Variants in SLCO1B3 observed in about 807,000 individuals in gnomAD.
The protein encoded by SLCO1B3 is liver-specific organic anion transporter 2.
SLCO1B3 carries 72 observed loss-of-function variants against 71.8 expected under a neutral mutation model. The ratio of observed to expected loss-of-function variants is 1.00; its 90% CI spans 0.83 to 1.22. The LOEUF is 1.22. SLCO1B3 is among the 50% of genes most tolerant of loss of function. SLCO1B3 has a pLI of 0.00. For synonymous variants in SLCO1B3, 298 were observed against 278.4 expected, an observed-to-expected ratio of 1.07 and a Z score of -0.70; for missense variants, 911 against 819.7, an observed-to-expected ratio of 1.11 and a Z score of -1.36.
chr12:20,837,067 G>T (rs994266527), intron 3 of SLCO1B3, among the ~76,000 whole-genome samples: 1 of 152,068 alleles, frequency 6.6e-6, no homozygotes, highest in African/African-American at 2.4e-5. Context: ...GAAATTGGTC[G>T]ATTTAATTTA....
chr12:20,847,982 A>ATAC (rs1359818734), intron 3 of SLCO1B3, among the ~76,000 whole-genome samples: 1 of 152,088 alleles, frequency 6.6e-6, no homozygotes. Context: ...AATAATAATA[A>ATAC]TACAGAATCT....
At chr12:20,811,458 C>T (rs1864109366) in intron 1 of SLCO1B3, among the ~76,000 whole-genome samples, 2 of 152,196 alleles carry the variant, frequency 1.3e-5, no homozygotes, top group Admixed American at 1.3e-4. Flanking sequence ...GAAATTCTCT[C>T]CTCTGAACAA....
intron 3 of SLCO1B3, among the ~76,000 whole-genome samples, chr12:20,849,157 A>G (rs1057122939): frequency 6.6e-6 from 1 of 151,980 alleles, no homozygotes; most frequent in Non-Finnish European, 1.5e-5. Context: ...TAAGTATATT[A>G]AAAAATTTTT....
intron 13 of SLCO1B3, among the ~76,000 whole-genome samples, chr12:20,886,418 A>G (rs1232235681): frequency 6.6e-6 from 1 of 152,048 alleles, no homozygotes; most frequent in South Asian, 2.1e-4. Context: ...ACTACATCCT[A>G]GGAACAACAG....
intron 3 of SLCO1B3, among the ~76,000 whole-genome samples, chr12:20,848,722 G>C (rs923894680): frequency 1.3e-5 from 2 of 151,972 alleles, no homozygotes; most frequent in Non-Finnish European, 2.9e-5. Context: ...TGTAAGCAAA[G>C]AAGCAAATCT....
intron 13 of SLCO1B3, among the ~76,000 whole-genome samples, chr12:20,885,675 G>A (rs74528913): frequency 0.019 from 2,836 of 152,000 alleles, 34 homozygotes; most frequent in Middle Eastern, 0.038. Flanking sequence ...AGCTAGGCAA[G>A]GTAGAGCAAA....
chr12:20,844,233 A>ATACCT (rs1565586077), intron 3 of SLCO1B3, among the ~76,000 whole-genome samples: 1 of 152,020 alleles, frequency 6.6e-6, no homozygotes, highest in Non-Finnish European at 1.5e-5. Flanking sequence ...TTATATAAAG[A>ATACCT]TACCTTACAT....
At chr12:20,825,282 A>G (rs1462356674) in intron 3 of SLCO1B3, among the ~76,000 whole-genome samples, 3 of 152,142 alleles carry the variant, frequency 2.0e-5, no homozygotes, top group African/African-American at 7.2e-5. Flanking sequence ...TTATCTCTCA[A>G]AATTGGCCCT....
chr12:20,888,068 C>A (rs1865826311), intron 13 of SLCO1B3, among the ~76,000 whole-genome samples: 1 of 152,026 alleles, frequency 6.6e-6, no homozygotes, highest in Admixed American at 6.6e-5. Context: ...CTTCTCCATT[C>A]TGTTCCATTG....
intron 8 of SLCO1B3, 107 bp from the exon 9 acceptor site, chr12:20,875,128 G>A: frequency 7.6e-7 from 1 of 1,320,464 alleles, no homozygotes; most frequent in Non-Finnish European, 1.1e-6. Context: ...TAAACATTTG[G>A]TTTACTTTCT....
chr12:20,876,729 T>C (rs182032118), intron 9 of SLCO1B3, among the ~76,000 whole-genome samples: 19 of 152,322 alleles, frequency 1.2e-4, no homozygotes, highest in African/African-American at 3.8e-4. Context: ...CAGCACATCA[T>C]TGATAAGTTT....
intron 7 of SLCO1B3, 67 bp downstream of exon 7, chr12:20,862,625 C>T: frequency 6.7e-7 from 1 of 1,486,104 alleles, no homozygotes; most frequent in South Asian, 1.3e-5. Flanking sequence ...ATAATAATGT[C>T]ATTATTTTTT....
intron 3 of SLCO1B3, among the ~76,000 whole-genome samples, chr12:20,848,078 T>C (rs1864951991): frequency 6.6e-6 from 1 of 152,112 alleles, no homozygotes; most frequent in Non-Finnish European, 1.5e-5. Context: ...CTATGGAGAC[T>C]AGTGAATGAT....
chr12:20,914,109 G>A (rs1455400118), intron 15 of SLCO1B3, among the ~76,000 whole-genome samples: 3 of 152,208 alleles, frequency 2.0e-5, no homozygotes, highest in East Asian at 3.9e-4. Context: ...GACATTCAAA[G>A]TGATTACTGA....
At chr12:20,817,375 G>GT (rs1864210940) in intron 3 of SLCO1B3, among the ~76,000 whole-genome samples, 1 of 152,102 alleles carries the variant, frequency 6.6e-6, no homozygotes, top group Admixed American at 6.5e-5. Context: ...ATTTTGATTT[G>GT]TTTTTGTATA....
chr12:20,871,697 T>C (rs1454206030), intron 8 of SLCO1B3, among the ~76,000 whole-genome samples: 1 of 152,150 alleles, frequency 6.6e-6, no homozygotes, highest in Non-Finnish European at 1.5e-5. Context: ...ACTCTTGTTC[T>C]CTTCCCCTGC....
At chr12:20,813,982 CAT>C (rs1311959609) in intron 2 of SLCO1B3, among the ~76,000 whole-genome samples, 1 of 151,984 alleles carries the variant, frequency 6.6e-6, no homozygotes, top group Non-Finnish European at 1.5e-5. Flanking sequence ...ATATAGATAA[CAT>C]TGATATTTAC....
chr12:20,831,224 G>T (rs527678134), intron 3 of SLCO1B3, among the ~76,000 whole-genome samples: 12 of 152,118 alleles, frequency 7.9e-5, no homozygotes, highest in Non-Finnish European at 1.6e-4. Flanking sequence ...GGGCGTGGTG[G>T]CACGCGCCTG....
intron 15 of SLCO1B3, among the ~76,000 whole-genome samples, chr12:20,910,759 T>G (rs944376340): frequency 2.0e-5 from 3 of 152,194 alleles, no homozygotes; most frequent in Admixed American, 2.0e-4. Context: ...TTCCACTTGT[T>G]CATTGCTGAT....
Sources: gnomAD v4.1 joint callset for allele counts (sites outside exome capture counted in the v4.1 genomes callset) on GRCh38, gnomAD v4.1.1 for gene constraint, MANE v1.5 for transcripts, NCBI Gene and HGNC (gene_info 2026-07-23, HGNC 2026-07-21) for gene names.